CDK7: variants seen among roughly 807,000 people sequenced by gnomAD.
CDK7 encodes the protein cyclin dependent kinase 7.
CDK7 carries 25 observed loss-of-function variants against 49.1 expected under a neutral mutation model. That is an observed-to-expected ratio of 0.51 (90% CI 0.37 to 0.71). The LOEUF is 0.71. Among genes scored for constraint, CDK7 ranks in the 30% least tolerant of loss-of-function variants. The pLI is 0.00. For missense variants in CDK7, 316 were observed against 411.7 expected (o/e 0.77, Z 2.01); for synonymous variants, 107 against 140.0 (o/e 0.76, Z 1.67).
intron 2 of CDK7, among the ~76,000 whole-genome samples, chr5:69,249,830 G>A (rs1354330941): frequency 6.6e-6 from 1 of 152,148 alleles, no homozygotes. Context: ...TGGGCAACAA[G>A]AGCAAAACTC....
At chr5:69,263,921 T>A (rs1750987590) in intron 8 of CDK7, among the ~76,000 whole-genome samples, 1 of 152,220 alleles carries the variant, frequency 6.6e-6, no homozygotes, top group African/African-American at 2.4e-5. Flanking sequence ...GCTGGAATCA[T>A]CTTTAAAGTT....
At chr5:69,237,797 A>G (rs546469182) in intron 2 of CDK7, among the ~76,000 whole-genome samples, 1 of 152,240 alleles carries the variant, frequency 6.6e-6, no homozygotes, top group African/African-American at 2.4e-5. Flanking sequence ...ACTAAAATAC[A>G]AAAATTAGCC....
chr5:69,258,717 A>G (rs1750641805), intron 6 of CDK7, among the ~76,000 whole-genome samples: 1 of 152,014 alleles, frequency 6.6e-6, no homozygotes, highest in African/African-American at 2.4e-5. Flanking sequence ...CTAAGTTGCT[A>G]AGTGACCTGA....
At chr5:69,255,613 CT>C (rs770590100) in intron 5 of CDK7, 85 bp downstream of exon 5, 1 of 982,102 alleles carries the variant, frequency 1.0e-6, no homozygotes, top group South Asian at 1.3e-5. Flanking sequence ...CAAGAAGATA[CT>C]GGTAGTAAAA....
chr5:69,268,637 T>G (rs1010534287), intron 8 of CDK7, among the ~76,000 whole-genome samples: 17 of 141,172 alleles, frequency 1.2e-4, no homozygotes, highest in South Asian at 2.3e-4. Context: ...CAAATCACAA[T>G]GTCAGGAGAT....
At chr5:69,248,962 C>A (rs1226974531) in intron 2 of CDK7, among the ~76,000 whole-genome samples, 2 of 151,772 alleles carry the variant, frequency 1.3e-5, no homozygotes, top group Non-Finnish European at 2.9e-5. Context: ...AGCCACCGTC[C>A]CCAGGTCCCA....
At chr5:69,261,287 C>T (rs1750792566) in intron 7 of CDK7, among the ~76,000 whole-genome samples, 2 of 152,146 alleles carry the variant, frequency 1.3e-5, no homozygotes, top group African/African-American at 4.8e-5. Flanking sequence ...GACCTGTGTA[C>T]AAGAGCATTG....
rs193231105 is a variant in CDK7, at chr5:69,276,944, C to A, written c.1013-163C>A. On this transcript the variant is annotated intron_variant, in intron 11 of 11. Transcript: ENST00000256443. The stretch of plus-strand genomic sequence containing the variant: ...GTGTACCTTGTTCCCTTCATAAATT[C>A]CTTCTGTAAACTACATGCTAAATGT... 3.1e-3 allele frequency among the ~76,000 whole-genome samples: 473 copies of A among 152,262 alleles called. 2 individuals carry two copies. Among genetic ancestry groups the A allele is most frequent in the Middle Eastern group, 0.031 (9 of 294 alleles).
At chr5:69,262,668 C>CAAAAAA (rs35645434) in intron 8 of CDK7, among the ~76,000 whole-genome samples, 3 of 113,572 alleles carry the variant, frequency 2.6e-5, no homozygotes, top group Non-Finnish European at 1.8e-5. Flanking sequence ...GGCTCCATCT[C>CAAAAAA]AAAAAAAAAA....
At chr5:69,260,367 A>G (rs1386954791) in intron 7 of CDK7, among the ~76,000 whole-genome samples, 2 of 152,014 alleles carry the variant, frequency 1.3e-5, no homozygotes, top group African/African-American at 4.8e-5. Flanking sequence ...AACAAAAAAC[A>G]AACAAAAAAA....
chr5:69,274,090 C>T (rs1354458096), intron 10 of CDK7, among the ~76,000 whole-genome samples: 1 of 152,010 alleles, frequency 6.6e-6, no homozygotes, highest in Admixed American at 6.6e-5. Flanking sequence ...ATATTATTTC[C>T]ATCATAATAA....
At chr5:69,262,069 A>C in intron 7 of CDK7, 136 bp from the exon 8 acceptor site, 1 of 968,508 alleles carries the variant, frequency 1.0e-6, no homozygotes. Flanking sequence ...AACTTCATGA[A>C]AGAGTATGGT....
intron 10 of CDK7, among the ~76,000 whole-genome samples, chr5:69,274,666 A>C (rs935354911): frequency 6.6e-6 from 1 of 152,038 alleles, no homozygotes; most frequent in Non-Finnish European, 1.5e-5. Context: ...CCCAGGCTGG[A>C]GTGCAGTGGC....
intron 2 of CDK7, among the ~76,000 whole-genome samples, chr5:69,240,915 C>G (rs921306097): frequency 6.6e-6 from 1 of 152,074 alleles, no homozygotes; most frequent in East Asian, 1.9e-4. Flanking sequence ...GTGTGAGCCA[C>G]CGCACCTGGC....
intron 2 of CDK7, among the ~76,000 whole-genome samples, chr5:69,239,834 A>T (rs1020290283): frequency 2.0e-5 from 3 of 151,146 alleles, no homozygotes; most frequent in African/African-American, 7.3e-5. Flanking sequence ...TCTTTATTCC[A>T]TCAACAAGTT....
chr5:69,254,166 A>G (rs371114723), intron 3 of CDK7, among the ~76,000 whole-genome samples: 31 of 152,298 alleles, frequency 2.0e-4, no homozygotes, highest in African/African-American at 7.5e-4. Flanking sequence ...AAAATTGTCA[A>G]AGTAGCCCTT....
intron 2 of CDK7, among the ~76,000 whole-genome samples, chr5:69,242,645 G>C (rs1258455459): frequency 6.6e-6 from 1 of 152,292 alleles, no homozygotes; most frequent in East Asian, 1.9e-4. Flanking sequence ...TTAATTTTGG[G>C]AAAGGACTGT....
intron 2 of CDK7, among the ~76,000 whole-genome samples, chr5:69,245,296 T>TCCCCC (rs1159613639): frequency 3.2e-5 from 1 of 31,058 alleles, no homozygotes; most frequent in African/African-American, 9.7e-5. Context: ...TCCCCTCCCT[T>TCCCCC]CCCCCTCCCC....
chr5:69,240,580 T>C (rs1394727614), intron 2 of CDK7, among the ~76,000 whole-genome samples: 2 of 152,234 alleles, frequency 1.3e-5, no homozygotes, highest in African/African-American at 4.8e-5. Flanking sequence ...GAAATTACTC[T>C]ATTTTTTATT....
Sources: allele counts gnomAD v4.1 joint callset (sites outside exome capture counted in the v4.1 genomes callset), GRCh38; gene constraint gnomAD v4.1.1; transcripts MANE v1.5; gene names NCBI Gene and HGNC (gene_info 2026-07-23, HGNC 2026-07-21).